SPOCK3: variants seen among roughly 807,000 people sequenced by gnomAD.
SPOCK3 encodes SPARC (osteonectin), cwcv and kazal like domains proteoglycan 3, also known as testican-3.
Under a neutral mutation model 56.6 loss-of-function variants are expected in SPOCK3, and 30 were observed. That is an observed-to-expected ratio of 0.53 (90% CI 0.40 to 0.72). The LOEUF is 0.72. Ranked by LOEUF, SPOCK3 falls within the 30% of genes least tolerant of loss-of-function variation. The pLI is 0.00. For synonymous variants in SPOCK3, 196 were observed against 183.3 expected (o/e 1.07, Z -0.56); for missense variants, 527 against 530.0 (o/e 0.99, Z 0.06).
intron 2 of SPOCK3, among the ~76,000 whole-genome samples, chr4:167,205,306 AT>A (rs1734002299): frequency 2.4e-5 from 1 of 42,282 alleles, no homozygotes. Context: ...TATAATATAT[AT>A]TATATATTTT....
chr4:166,860,170 C>G (rs977748553), intron 6 of SPOCK3, among the ~76,000 whole-genome samples: 7 of 152,170 alleles, frequency 4.6e-5, no homozygotes, highest in African/African-American at 1.7e-4. Flanking sequence ...AATCTATTGA[C>G]AGTGAATTTT....
intron 4 of SPOCK3, among the ~76,000 whole-genome samples, chr4:166,961,489 T>C (rs909960616): frequency 3.3e-5 from 5 of 151,840 alleles, no homozygotes; most frequent in African/African-American, 1.2e-4. Context: ...AATTTGGATA[T>C]ATATAAATTT....
chr4:167,084,054 T>TA (rs1253232922), intron 2 of SPOCK3, among the ~76,000 whole-genome samples: 1 of 152,088 alleles, frequency 6.6e-6, no homozygotes, highest in Non-Finnish European at 1.5e-5. Flanking sequence ...GTTTGAAACT[T>TA]AAGAGGATAA....
intron 3 of SPOCK3, among the ~76,000 whole-genome samples, chr4:167,007,688 G>T (rs1481696651): frequency 6.6e-6 from 1 of 152,048 alleles, no homozygotes; most frequent in Non-Finnish European, 1.5e-5. Flanking sequence ...TTCTTCTTCT[G>T]TGGCAAGAAA....
In SPOCK3 at chr4:167,159,411, A is replaced by G. The variant is rs566215549; in HGVS notation, c.189+74574T>C. 2.6e-5 allele frequency among the ~76,000 whole-genome samples: 4 copies of G among 152,038 alleles called. No homozygotes were observed. In the South Asian group the frequency reaches 6.2e-4, roughly 24 times the overall value. On this transcript the variant is annotated intron_variant, in intron 2 of 10. Transcript: ENST00000357545. ...GCAGGTCATAATATCCTCATTCCTG[A>G]GATGCCCTCCCTATAACCGGAGGAA... is the stretch of plus-strand genomic sequence containing the variant.
chr4:166,965,471 A>AT (rs918658921), intron 4 of SPOCK3, among the ~76,000 whole-genome samples: 17 of 145,482 alleles, frequency 1.2e-4, no homozygotes, highest in South Asian at 4.4e-4. Flanking sequence ...CTGGTTTGGT[A>AT]TTTTTTTTCT....
chr4:167,002,765 C>T (rs902652741), intron 3 of SPOCK3, among the ~76,000 whole-genome samples: 13 of 151,900 alleles, frequency 8.6e-5, no homozygotes, highest in African/African-American at 3.1e-4. Flanking sequence ...TCTTGTTGGA[C>T]AACATAAAAG....
intron 2 of SPOCK3, among the ~76,000 whole-genome samples, chr4:167,145,876 T>C (rs935684225): frequency 6.6e-6 from 1 of 152,100 alleles, no homozygotes; most frequent in Non-Finnish European, 1.5e-5. Flanking sequence ...ATAAAGACCA[T>C]AGATGCTATG....
At chr4:167,163,146 A>G (rs1188612329) in intron 2 of SPOCK3, among the ~76,000 whole-genome samples, 1 of 147,596 alleles carries the variant, frequency 6.8e-6, no homozygotes, top group East Asian at 2.0e-4. Context: ...CAATTAAAAC[A>G]TAGGTTTTTT....
At chr4:167,082,617 T>C (rs986053216) in intron 2 of SPOCK3, among the ~76,000 whole-genome samples, 2 of 151,920 alleles carry the variant, frequency 1.3e-5, no homozygotes. Flanking sequence ...TAGACTAAGA[T>C]TTTCTTATTC....
intron 3 of SPOCK3, among the ~76,000 whole-genome samples, chr4:167,008,902 A>G (rs998292907): frequency 6.6e-6 from 1 of 152,142 alleles, no homozygotes; most frequent in Non-Finnish European, 1.5e-5. Flanking sequence ...TATGGTCACT[A>G]TTTGAGTGAT....
At chr4:167,180,452 G>A (rs902451043) in intron 2 of SPOCK3, among the ~76,000 whole-genome samples, 4 of 152,108 alleles carry the variant, frequency 2.6e-5, no homozygotes, top group East Asian at 1.9e-4. Context: ...CCACAATCAC[G>A]AGCTCAAGTT....
intron 2 of SPOCK3, 157 bp from the exon 3 acceptor site, chr4:167,062,694 A>T (rs1395451516): frequency 1.7e-6 from 1 of 587,310 alleles, no homozygotes. Flanking sequence ...AAATAAAAAT[A>T]AAAAAGAAAC....
chr4:166,834,667 G>GA (rs1284472966), intron 6 of SPOCK3, among the ~76,000 whole-genome samples: 1 of 152,046 alleles, frequency 6.6e-6, no homozygotes, highest in Non-Finnish European at 1.5e-5. Flanking sequence ...AATTAGATGA[G>GA]AAAAAACAAA....
At chr4:167,038,458 A>T (rs978091644) in intron 3 of SPOCK3, among the ~76,000 whole-genome samples, 4 of 152,124 alleles carry the variant, frequency 2.6e-5, no homozygotes, top group African/African-American at 9.7e-5. Flanking sequence ...TAATCTTGAA[A>T]AAAGAGAGCT....
intron 6 of SPOCK3, among the ~76,000 whole-genome samples, chr4:166,834,716 G>T (rs545576883): frequency 2.0e-5 from 3 of 152,080 alleles, no homozygotes; most frequent in African/African-American, 4.8e-5. Flanking sequence ...AATGAATCCC[G>T]TTTCCCAAAA....
chr4:167,083,476 T>C (rs184909095), intron 2 of SPOCK3, among the ~76,000 whole-genome samples: 1 of 152,282 alleles, frequency 6.6e-6, no homozygotes, highest in East Asian at 1.9e-4. Context: ...GTGTACAACC[T>C]GGTATCTCCA....
chr4:166,856,151 G>T (rs1730630546), intron 6 of SPOCK3, among the ~76,000 whole-genome samples: 1 of 148,720 alleles, frequency 6.7e-6, no homozygotes, highest in Admixed American at 6.7e-5. Flanking sequence ...GTGGTTACCA[G>T]AGACTGAGGG....
intron 3 of SPOCK3, among the ~76,000 whole-genome samples, chr4:167,054,330 C>T (rs536965571): frequency 1.2e-4 from 18 of 152,304 alleles, no homozygotes; most frequent in Non-Finnish European, 2.2e-4. Context: ...TTGAAAGCTA[C>T]AGCATATTCA....
Sources: allele counts gnomAD v4.1 joint callset (sites outside exome capture counted in the v4.1 genomes callset), GRCh38; gene constraint gnomAD v4.1.1; transcripts MANE v1.5; gene names NCBI Gene and HGNC (gene_info 2026-07-23, HGNC 2026-07-21).